ADAMTS2: variants seen among roughly 807,000 people sequenced by gnomAD.
ADAMTS2 encodes the protein A disintegrin and metalloproteinase with thrombospondin motifs 2.
In ADAMTS2, 50 loss-of-function variants were observed where a neutral mutation model predicts 123.0. That is an observed-to-expected ratio of 0.41 (90% CI 0.32 to 0.51). The LOEUF (loss-of-function observed/expected upper bound fraction) is 0.51. Ranked by LOEUF, ADAMTS2 falls within the 20% of genes least tolerant of loss-of-function variation. The pLI, the probability that ADAMTS2 is intolerant of heterozygous loss-of-function variation, is 0.35. For missense variants in ADAMTS2, 1,494 were observed against 1,705.2 expected, an observed-to-expected ratio of 0.88 and a Z score of 2.18; for synonymous variants, 678 against 695.4, an observed-to-expected ratio of 0.98 and a Z score of 0.39.
chr5:179,206,774 C>T (rs113967154), intron 4 of ADAMTS2, among the ~76,000 whole-genome samples: 13 of 152,312 alleles, frequency 8.5e-5, no homozygotes, highest in Middle Eastern at 3.4e-3. Flanking sequence ...CACCCACACA[C>T]GGTTCAGCAT....
rs185540048 is a variant in ADAMTS2 at position 179,195,079 on chromosome 5, C to A, written c.891+12434G>T. The stretch of plus-strand genomic sequence containing the variant: ...GTCCGAGGAGCCTTCCCTGACCAGC[C>A]GCCCCAGGCACCCTTCCCTGATGAA... On this transcript the variant is annotated intron_variant, in intron 4 of 21. Transcript: ENST00000251582. Among the ~76,000 whole-genome samples the A allele has an allele frequency of 5.9e-5, 9 of 152,318 alleles. No individual in the cohort carries two copies. In the East Asian group the frequency reaches 1.7e-3, roughly 29 times the overall value.
In ADAMTS2 at chr5:179,175,192, ATGTTGCT is replaced by A. The variant is rs1398046996; in HGVS notation, c.975+5873_975+5879del. Among the ~76,000 whole-genome samples the A allele has an allele frequency of 2.7e-5, 4 of 147,802 alleles. No homozygotes were observed. The highest frequency in any genetic ancestry group is 3.5e-3 in the Middle Eastern group (1 of 282). On this transcript the variant is annotated intron_variant, in intron 5 of 21. Coordinates refer to ENST00000251582, the MANE Select transcript of ADAMTS2 (RefSeq NM_014244.5). This position sits in a 1 kb window ranked among gnomAD's most constrained non-coding sequence, Gnocchi z 4.1. Reference sequence around the variant, plus strand: ...CTGTCTCAGCCATTCTTGACCGTCCATGTTGCTTTGGAGGAAGTCTCTTCCTTGCTTG... The same window carrying A: ...CTGTCTCAGCCATTCTTGACCGTCCATTGGAGGAAGTCTCTTCCTTGCTTG...
Position 179,153,481 on chromosome 5 carries a change from G to C in ADAMTS2, c.1515+10C>G, listed in dbSNP as rs1044323118. The C allele has an allele frequency of 1.7e-5, 27 of 1,607,046 alleles. No individual in the cohort carries two copies. Among genetic ancestry groups the C allele is most frequent in the Non-Finnish European group, 2.3e-5 (27 of 1,179,820 alleles). On this transcript the variant is annotated intron_variant, in intron 9 of 21. Coordinates refer to ENST00000251582, the MANE Select transcript of ADAMTS2 (RefSeq NM_014244.5). ...CTGGGAGGGTCCCGGCTGCAGGGCT[G>C]CACACTCACCGCCGTGCACATCATG...
At chr5:179,143,801 C>T (rs1303700740) in intron 10 of ADAMTS2, among the ~76,000 whole-genome samples, 1 of 152,042 alleles carries the variant, frequency 6.6e-6, no homozygotes, top group African/African-American at 2.4e-5. Context: ...ATTTCATCGC[C>T]CATTTTTTAT....
intron 4 of ADAMTS2, among the ~76,000 whole-genome samples, chr5:179,200,244 C>CTTTTTTTTTTTT (rs1051856642): frequency 2.9e-5 from 3 of 103,686 alleles, no homozygotes; most frequent in Non-Finnish European, 5.5e-5. Flanking sequence ...CCTTTCTTTC[C>CTTTTTTTTTTTT]TTTTTTTTTT....
chr5:179,216,363 T>G (rs11745186), intron 3 of ADAMTS2, among the ~76,000 whole-genome samples: 1 of 152,154 alleles, frequency 6.6e-6, no homozygotes. Flanking sequence ...CATGTGCCGA[T>G]GAGGGGCGCT....
chr5:179,305,341 C>T (rs564717612), intron 2 of ADAMTS2, among the ~76,000 whole-genome samples: 1 of 152,214 alleles, frequency 6.6e-6, no homozygotes, highest in South Asian at 2.1e-4. Flanking sequence ...ATAATGCTGT[C>T]TGATGTAGTT....
rs538778374 is a variant in ADAMTS2 at position 179,255,858 on chromosome 5, T to C, written c.688+17053A>G. Among the ~76,000 whole-genome samples the C allele has an allele frequency of 1.2e-4, 19 of 152,304 alleles. No homozygotes were observed. In the South Asian group the frequency reaches 3.9e-3, roughly 32 times the overall value. On this transcript the variant is annotated intron_variant, in intron 3 of 21. Coordinates refer to ENST00000251582, the MANE Select transcript of ADAMTS2 (RefSeq NM_014244.5). Reference sequence around the variant, plus strand: ...GGGGCTCTGCAGCAGCAGGCAGGGCTGGGCAGCCCTGGAGTGTGTGACACA... The same window carrying C: ...GGGGCTCTGCAGCAGCAGGCAGGGCCGGGCAGCCCTGGAGTGTGTGACACA...
chr5:179,165,686 A>G (rs1439815329), intron 5 of ADAMTS2, among the ~76,000 whole-genome samples: 2 of 152,160 alleles, frequency 1.3e-5, no homozygotes, highest in Non-Finnish European at 2.9e-5. Flanking sequence ...GGGGATGGAC[A>G]TTTCGAGGCC....
At chr5:179,220,107 A>G (rs965616572) in intron 3 of ADAMTS2, among the ~76,000 whole-genome samples, 1 of 152,230 alleles carries the variant, frequency 6.6e-6, no homozygotes, top group African/African-American at 2.4e-5. Context: ...TGGCCTGGGT[A>G]ATGTCACGGG....
At chr5:179,277,045 G>A (rs1371482382) in intron 2 of ADAMTS2, among the ~76,000 whole-genome samples, 1 of 152,122 alleles carries the variant, frequency 6.6e-6, no homozygotes, top group Non-Finnish European at 1.5e-5. Context: ...AACAGCACTA[G>A]CTCCATCTGA....
chr5:179,195,622 C>G (rs57748034), intron 4 of ADAMTS2, among the ~76,000 whole-genome samples: 2,015 of 152,340 alleles, frequency 0.013, 44 homozygotes, highest in African/African-American at 0.047. Context: ...TCCGGTCGCC[C>G]GAGTCCCCAC....
chr5:179,166,598 G>T (rs895615156), intron 5 of ADAMTS2, among the ~76,000 whole-genome samples: 8 of 147,948 alleles, frequency 5.4e-5, no homozygotes, highest in African/African-American at 2.1e-4. Context: ...GCCTTGGGTG[G>T]ACGAGTAGGC....
chr5:179,219,976 G>A (rs868699302), intron 3 of ADAMTS2, among the ~76,000 whole-genome samples: 1 of 152,206 alleles, frequency 6.6e-6, no homozygotes, highest in African/African-American at 2.4e-5. Context: ...GGTGACAAGA[G>A]CCAGCAAGCC....
intron 2 of ADAMTS2, among the ~76,000 whole-genome samples, chr5:179,283,622 T>C (rs1357759664): frequency 8.4e-6 from 1 of 118,478 alleles, no homozygotes; most frequent in African/African-American, 3.3e-5. Flanking sequence ...AACAAATATA[T>C]AACAATAAAT....
intron 11 of ADAMTS2, among the ~76,000 whole-genome samples, chr5:179,138,301 G>T (rs928966007): frequency 6.6e-6 from 1 of 152,198 alleles, no homozygotes; most frequent in African/African-American, 2.4e-5. Flanking sequence ...TTTAGGTTCT[G>T]TGTTCCCCAC....
At chr5:179,205,603 C>T (rs916034366) in intron 4 of ADAMTS2, among the ~76,000 whole-genome samples, 3 of 152,172 alleles carry the variant, frequency 2.0e-5, no homozygotes, top group Non-Finnish European at 4.4e-5. Context: ...AGGGGAAGAA[C>T]TCATATTGTG....
At chr5:179,328,283 C>T (rs894270506) in intron 2 of ADAMTS2, among the ~76,000 whole-genome samples, 25 of 152,362 alleles carry the variant, frequency 1.6e-4, no homozygotes, top group Non-Finnish European at 5.9e-5. Flanking sequence ...CCACCCGCCT[C>T]GGCCTCCCAA....
At chr5:179,182,992 C>A (rs971186882) in intron 4 of ADAMTS2, among the ~76,000 whole-genome samples, 1 of 152,166 alleles carries the variant, frequency 6.6e-6, no homozygotes. Context: ...GGATTGCAGT[C>A]CCCCCATCAC....
Sources: gnomAD v4.1 joint callset for allele counts (sites outside exome capture counted in the v4.1 genomes callset) on GRCh38, gnomAD v4.1.1 for gene constraint, Gnocchi (gnomAD v3.1) non-coding constraint, MANE v1.5 for transcripts, NCBI Gene and HGNC (gene_info 2026-07-23, HGNC 2026-07-21) for gene names.